TUSC3: variants seen among roughly 807,000 people sequenced by gnomAD.
TUSC3 encodes tumor suppressor candidate 3.
TUSC3 carries 45 observed loss-of-function variants against 44.8 expected under a neutral mutation model. That is an observed-to-expected ratio of 1.00 (90% confidence interval 0.79 to 1.29). TUSC3 has a LOEUF of 1.29. TUSC3 is among the 50% of genes most tolerant of loss of function. The pLI, the probability that TUSC3 is intolerant of heterozygous loss-of-function variation, is 0.00. For synonymous variants in TUSC3, 212 were observed against 152.9 expected, an observed-to-expected ratio of 1.39 and a Z score of -2.85; for missense variants, 519 against 437.9, an observed-to-expected ratio of 1.19 and a Z score of -1.65.
chr8:15,486,850 C>G, intron 2 of TUSC3, among the ~76,000 whole-genome samples: 1 of 152,196 alleles, frequency 6.6e-6, no homozygotes, highest in Non-Finnish European at 1.5e-5. Flanking sequence ...GCAAATATAT[C>G]TTTAGGTCCA....
chr8:15,726,250 T>C (rs1810489730), intron 6 of TUSC3, among the ~76,000 whole-genome samples: 1 of 152,168 alleles, frequency 6.6e-6, no homozygotes, highest in South Asian at 2.1e-4. Context: ...ATTCTTGATA[T>C]TGCCATATAA....
chr8:15,757,670 C>A (rs931578003), intron 9 of TUSC3, 121 bp from the exon 10 acceptor site: 1 of 1,289,568 alleles, frequency 7.8e-7, no homozygotes, highest in Admixed American at 1.7e-5. Context: ...TCGTCTATCC[C>A]CTGTCTTATC....
intron 1 of TUSC3, among the ~76,000 whole-genome samples, chr8:15,470,511 T>C (rs142117372): frequency 6.6e-6 from 1 of 152,214 alleles, no homozygotes; most frequent in East Asian, 1.9e-4. Context: ...TTCTGATGTG[T>C]GATGTTGATA....
intron 6 of TUSC3, among the ~76,000 whole-genome samples, chr8:15,690,982 C>T (rs1808876368): frequency 1.0e-5 from 1 of 97,196 alleles, no homozygotes; most frequent in Non-Finnish European, 2.6e-5. Flanking sequence ...CTTGGCTATT[C>T]AGGCTATTTT....
intron 1 of TUSC3, among the ~76,000 whole-genome samples, chr8:15,445,318 T>A (rs560794673): frequency 1.7e-3 from 259 of 152,092 alleles, no homozygotes; most frequent in Middle Eastern, 6.8e-3. Context: ...GGATTTTATT[T>A]TTTTTTTTTT....
At chr8:15,714,764 A>G (rs1019139415) in intron 6 of TUSC3, among the ~76,000 whole-genome samples, 1 of 152,184 alleles carries the variant, frequency 6.6e-6, no homozygotes, top group African/African-American at 2.4e-5. Context: ...TGAATGTTCA[A>G]AAGAAAGATG....
intron 2 of TUSC3, among the ~76,000 whole-genome samples, chr8:15,533,494 C>A (rs13279288): frequency 0.41 from 62,511 of 151,976 alleles, 13,598 homozygotes; most frequent in Admixed American, 0.53. Context: ...GAAATTCAAC[C>A]GAACTGTTTT....
chr8:15,419,790 T>C (rs1428797816), intron 1 of TUSC3, among the ~76,000 whole-genome samples: 2 of 152,170 alleles, frequency 1.3e-5, no homozygotes, highest in African/African-American at 4.8e-5. Context: ...TGTTTAATAT[T>C]AGCTATTTCT....
chr8:15,519,031 A>T (rs2129129132), intron 2 of TUSC3, among the ~76,000 whole-genome samples: 1 of 152,310 alleles, frequency 6.6e-6, no homozygotes, highest in Non-Finnish European at 1.5e-5. Context: ...ATACAACAAA[A>T]ACATTATTAC....
intron 2 of TUSC3, among the ~76,000 whole-genome samples, chr8:15,650,359 G>A (rs1445489135): frequency 1.3e-5 from 2 of 152,094 alleles, no homozygotes; most frequent in Non-Finnish European, 2.9e-5. Context: ...TAGAGTAAGA[G>A]TTGGCAAAAT....
downstream of TUSC3, among the ~76,000 whole-genome samples, chr8:15,768,096 T>C (rs370808783): frequency 2.0e-4 from 31 of 152,278 alleles, no homozygotes; most frequent in East Asian, 4.8e-3. Flanking sequence ...CAGATAAGTG[T>C]TGAAAGAGTT....
At chr8:15,484,917 AT>A (rs1800715274) in intron 2 of TUSC3, among the ~76,000 whole-genome samples, 1 of 152,170 alleles carries the variant, frequency 6.6e-6, no homozygotes, top group Non-Finnish European at 1.5e-5. Context: ...TGAGAAAACT[AT>A]TTCTTTGTAA....
At chr8:15,840,708 C>A in the TUSC3 span, among the ~76,000 whole-genome samples, 1 of 152,062 alleles carries the variant, frequency 6.6e-6, no homozygotes, top group African/African-American at 2.4e-5. Context: ...CACTTTTAGC[C>A]TGTTTTTCTA....
intron 1 of TUSC3, among the ~76,000 whole-genome samples, chr8:15,598,142 G>C (rs1244230891): frequency 6.6e-6 from 1 of 151,822 alleles, no homozygotes; most frequent in East Asian, 1.9e-4. Context: ...AATACCAGTT[G>C]GGGTTTTATG....
At chr8:15,631,887 T>G (rs1426295490) in intron 2 of TUSC3, among the ~76,000 whole-genome samples, 1 of 151,984 alleles carries the variant, frequency 6.6e-6, no homozygotes, top group Non-Finnish European at 1.5e-5. Context: ...TTTTGTATTT[T>G]TAGTAGAGAT....
the TUSC3 span, among the ~76,000 whole-genome samples, chr8:15,833,994 A>C: frequency 0.18 from 27,344 of 151,948 alleles, 2,603 homozygotes; most frequent in Admixed American, 0.29. Context: ...ATTCAAATTT[A>C]TTTCTACACA....
At chr8:15,449,492 C>G (rs1800164423) in intron 1 of TUSC3, among the ~76,000 whole-genome samples, 1 of 152,080 alleles carries the variant, frequency 6.6e-6, no homozygotes, top group Admixed American at 6.5e-5. Context: ...GATACTGCCT[C>G]AAGTTAGCAA....
chr8:15,782,657 G>A, the TUSC3 span, among the ~76,000 whole-genome samples: 4 of 152,144 alleles, frequency 2.6e-5, no homozygotes, highest in African/African-American at 9.7e-5. Context: ...CTCAATAGAT[G>A]TACTAAAACC....
the TUSC3 span, among the ~76,000 whole-genome samples, chr8:15,793,619 CTTTG>C: frequency 3.9e-5 from 6 of 152,112 alleles, no homozygotes; most frequent in East Asian, 1.9e-4. Flanking sequence ...TGAAACAGCA[CTTTG>C]TTTATTTATT....
Sources: allele counts gnomAD v4.1 joint callset (sites outside exome capture counted in the v4.1 genomes callset), GRCh38; gene constraint gnomAD v4.1.1; transcripts MANE v1.5; gene names NCBI Gene and HGNC (gene_info 2026-07-23, HGNC 2026-07-21).